AGMO: variants seen among roughly 807,000 people sequenced by gnomAD.
AGMO encodes alkylglycerol monooxygenase.
In AGMO, 75 loss-of-function variants were observed where a neutral mutation model predicts 60.2. That is an observed-to-expected ratio of 1.25 (90% CI 1.03 to 1.51). The LOEUF (loss-of-function observed/expected upper bound fraction) is 1.51. Ranked by LOEUF, AGMO falls within the 40% of genes most tolerant of loss-of-function variation. The pLI, the probability that AGMO is intolerant of heterozygous loss-of-function variation, is 0.00. For synonymous variants in AGMO, 261 were observed against 177.1 expected (o/e 1.47, Z -3.76); for missense variants, 763 against 525.5 (o/e 1.45, Z -4.42).
the AGMO span, among the ~76,000 whole-genome samples, chr7:15,160,530 G>C: frequency 1.3e-5 from 2 of 151,048 alleles, no homozygotes; most frequent in Non-Finnish European, 2.9e-5. Context: ...TCATCTATTT[G>C]TCTATAAATC....
chr7:15,461,289 ACC>A (rs1782134772), intron 3 of AGMO, among the ~76,000 whole-genome samples: 2 of 151,882 alleles, frequency 1.3e-5, no homozygotes, highest in African/African-American at 4.8e-5. Flanking sequence ...TCCATATTTA[ACC>A]TTCCATATGT....
chr7:15,363,619 T>C (rs1304276953), intron 12 of AGMO, among the ~76,000 whole-genome samples: 3 of 152,062 alleles, frequency 2.0e-5, no homozygotes, highest in Admixed American at 6.5e-5. Flanking sequence ...ATTAACTAAA[T>C]AAGTAAACTG....
At chr7:15,219,868 A>G (rs1324480730) in intron 12 of AGMO, among the ~76,000 whole-genome samples, 2 of 152,178 alleles carry the variant, frequency 1.3e-5, no homozygotes, top group Non-Finnish European at 2.9e-5. Flanking sequence ...AAATATATCT[A>G]TGCTCTCCTG....
intron 12 of AGMO, among the ~76,000 whole-genome samples, chr7:15,365,046 C>T: frequency 6.6e-6 from 1 of 152,042 alleles, no homozygotes; most frequent in South Asian, 2.1e-4. Flanking sequence ...TATTTTTCAG[C>T]TGTAGAAAAA....
intron 3 of AGMO, among the ~76,000 whole-genome samples, chr7:15,498,506 T>C (rs1210526122): frequency 3.9e-5 from 6 of 151,982 alleles, no homozygotes; most frequent in Admixed American, 3.9e-4. Context: ...TAGTTTCATT[T>C]TGTGTGCACA....
chr7:15,185,110 A>T, the AGMO span, among the ~76,000 whole-genome samples: 1 of 152,188 alleles, frequency 6.6e-6, no homozygotes, highest in Admixed American at 6.5e-5. Context: ...ATATAAGGTT[A>T]AAATTTAGGG....
chr7:15,493,362 C>CACACACACACACACACA (rs71004386), intron 3 of AGMO, among the ~76,000 whole-genome samples: 1 of 102,264 alleles, frequency 9.8e-6, no homozygotes, highest in African/African-American at 4.0e-5. Context: ...CACACACACA[C>CACACACACACACACACA]TTCTTTTTTT....
At chr7:15,207,628 T>C (rs541431829) in intron 12 of AGMO, among the ~76,000 whole-genome samples, 3 of 152,328 alleles carry the variant, frequency 2.0e-5, no homozygotes, top group South Asian at 2.1e-4. Flanking sequence ...GTCAGGTACA[T>C]AGACACTAGC....
intron 12 of AGMO, among the ~76,000 whole-genome samples, chr7:15,356,953 CAA>C (rs917201250): frequency 2.0e-4 from 14 of 68,900 alleles, no homozygotes; most frequent in African/African-American, 3.9e-4. Context: ...ACTAAAATTA[CAA>C]AAAAAAAAAA....
At chr7:15,376,607 C>G (rs1162528726) in intron 10 of AGMO, among the ~76,000 whole-genome samples, 1 of 151,988 alleles carries the variant, frequency 6.6e-6, no homozygotes, top group Non-Finnish European at 1.5e-5. Flanking sequence ...ATTACATATC[C>G]TATTATAAGA....
At chr7:15,219,400 G>C (rs1331992730) in intron 12 of AGMO, among the ~76,000 whole-genome samples, 1 of 152,074 alleles carries the variant, frequency 6.6e-6, no homozygotes, top group Non-Finnish European at 1.5e-5. Flanking sequence ...TTTAAAGTGA[G>C]ACAAGAAAGA....
chr7:15,557,960 C>T (rs1785192328), intron 2 of AGMO, among the ~76,000 whole-genome samples: 1 of 150,758 alleles, frequency 6.6e-6, no homozygotes, highest in South Asian at 2.1e-4. Context: ...CATGTTCTAT[C>T]CCTGAAGGAC....
At chr7:15,203,572 A>G (rs1781362296) in intron 12 of AGMO, among the ~76,000 whole-genome samples, 1 of 151,626 alleles carries the variant, frequency 6.6e-6, no homozygotes, top group Admixed American at 6.6e-5. Context: ...GAGATGTACA[A>G]CTGGTTAAGC....
chr7:15,225,040 C>T (rs1350740216), intron 12 of AGMO, among the ~76,000 whole-genome samples: 1 of 151,916 alleles, frequency 6.6e-6, no homozygotes, highest in Non-Finnish European at 1.5e-5. Context: ...ACATCATTAA[C>T]ATTTGGTATA....
At chr7:15,340,271 G>T (rs1480198782) in intron 12 of AGMO, among the ~76,000 whole-genome samples, 1 of 152,164 alleles carries the variant, frequency 6.6e-6, no homozygotes, top group East Asian at 1.9e-4. Flanking sequence ...TGTCACATGA[G>T]GCCAGGTGTG....
At chr7:15,221,497 G>A (rs1418824657) in intron 12 of AGMO, among the ~76,000 whole-genome samples, 2 of 152,060 alleles carry the variant, frequency 1.3e-5, no homozygotes, top group Non-Finnish European at 2.9e-5. Context: ...GGCAATAGTG[G>A]TGACTATAGA....
the AGMO span, among the ~76,000 whole-genome samples, chr7:15,169,287 G>T: frequency 2.6e-5 from 4 of 152,176 alleles, no homozygotes; most frequent in Non-Finnish European, 2.9e-5. Flanking sequence ...TATGAAAGCA[G>T]CCACAGACAA....
At chr7:15,425,736 A>G (rs1334424496) in intron 4 of AGMO, among the ~76,000 whole-genome samples, 1 of 152,100 alleles carries the variant, frequency 6.6e-6, no homozygotes, top group Admixed American at 6.6e-5. Context: ...CATCACACCC[A>G]GCCCAATTGT....
rs182990373 is a variant in AGMO, at chr7:15,209,237, T to C, written c.1264-7878A>G. On this transcript the variant is annotated intron_variant, in intron 12 of 12. Transcript: ENST00000342526. ...ATCTCACATGGATAACAGTTTTCAA[T>C]ACTTGATGTACAAAAACTTCAATCT... 3.9e-5 allele frequency among the ~76,000 whole-genome samples: 6 copies of C among 152,304 alleles called. No homozygotes were observed. In the East Asian group the frequency reaches 1.2e-3, roughly 29 times the overall value.
Sources: allele counts gnomAD v4.1 joint callset (sites outside exome capture counted in the v4.1 genomes callset), GRCh38; gene constraint gnomAD v4.1.1; transcripts MANE v1.5; gene names NCBI Gene and HGNC (gene_info 2026-07-23, HGNC 2026-07-21).